The following KCNQ1OT1 variants were observed in gnomAD, a reference collection of about 807,000 sequenced individuals.
KCNQ1OT1 encodes the protein KCNQ1 opposite strand/antisense transcript 1, also known as KCNQ1 antisense RNA 2 (non-protein coding).
chr11:2,630,515 G>C (rs1292410692), exon 1 of KCNQ1OT1: 2 of 398,002 alleles, frequency 5.0e-6, no homozygotes, highest in Non-Finnish European at 8.9e-6. Flanking sequence ...ATGCCCCAAG[G>C]TACACCTTTT....
exon 1 of KCNQ1OT1, chr11:2,693,313 T>C (rs1850618961): frequency 1.5e-5 from 6 of 398,690 alleles, no homozygotes; most frequent in Non-Finnish European, 2.2e-5. Flanking sequence ...CCCACAGGCC[T>C]GGGCCCTCTC....
At chr11:2,694,123 C>T (rs1382505235) in exon 1 of KCNQ1OT1, 7 of 398,534 alleles carry the variant, frequency 1.8e-5, no homozygotes, top group Non-Finnish European at 2.7e-5. Context: ...ACTGGAAGTG[C>T]TTGCCAAACA....
chr11:2,650,149 A>T, exon 1 of KCNQ1OT1: 1 of 398,052 alleles, frequency 2.5e-6, no homozygotes, highest in Non-Finnish European at 4.4e-6. Context: ...GTTCTTTTTC[A>T]TATCTAACTC....
Position 2,648,819 on chromosome 11 carries a change from A to G in KCNQ1OT1, n.51176T>C, listed in dbSNP as rs544033655. On this transcript the variant is annotated non_coding_transcript_exon_variant, in exon 1 of 1. Transcript: ENST00000597346. ...TGAGTATGAAATGTTGCCATCCCTA[A>G]CTATTATTGTATTGGGGTCTATCTC... 102 of 398,400 alleles carry G rather than the reference A, an allele frequency of 2.6e-4. 1 individual carries two copies. Among genetic ancestry groups the G allele is most frequent in the African/African-American group, 1.8e-3 (88 of 48,700 alleles). The allele number at this position is 398,400 out of a possible 1,614,324, so 24.7% of individuals were successfully genotyped here.
chr11:2,630,385 G>A (rs1033829951), exon 1 of KCNQ1OT1: 50 of 397,376 alleles, frequency 1.3e-4, no homozygotes, highest in Middle Eastern at 6.2e-4. Flanking sequence ...TTCTTATATT[G>A]TCCTTGTCTG....
exon 1 of KCNQ1OT1, chr11:2,638,647 T>A (rs965785511): frequency 6.6e-6 from 1 of 152,204 alleles, no homozygotes; most frequent in Non-Finnish European, 1.5e-5. Flanking sequence ...CTGACAATTA[T>A]GTGTCTTGGA....
chr11:2,646,800 G>A, exon 1 of KCNQ1OT1: 1 of 398,550 alleles, frequency 2.5e-6, no homozygotes, highest in Non-Finnish European at 4.4e-6. Flanking sequence ...ACAAGCATGA[G>A]CCATCATGTC....
exon 1 of KCNQ1OT1, chr11:2,633,395 T>A: frequency 2.5e-6 from 1 of 398,592 alleles, no homozygotes; most frequent in Non-Finnish European, 4.4e-6. Flanking sequence ...ATTTGTCTAT[T>A]TTTGTTTTTG....
exon 1 of KCNQ1OT1, chr11:2,616,890 G>GT (rs1464207274): frequency 7.5e-6 from 3 of 397,998 alleles, no homozygotes; most frequent in Non-Finnish European, 1.3e-5. Context: ...TGTAGGTCTA[G>GT]TTGGTTTATG....
rs559628423 is a variant in KCNQ1OT1 at position 2,643,891 on chromosome 11, G to C, written n.56104C>G. ...CAGTATTCCTGGCTGGCAGGTTTTT[G>C]GTTTTGTTTTTTCTTTCAGCACTCT... On this transcript the variant is annotated non_coding_transcript_exon_variant, in exon 1 of 1. Coordinates refer to ENST00000597346, the Ensembl canonical transcript of KCNQ1OT1. 466 of 398,340 alleles carry C rather than the reference G, an allele frequency of 1.2e-3. No individual in the cohort carries two copies. Among genetic ancestry groups the C allele is most frequent in the Non-Finnish European group, 1.8e-3 (413 of 226,018 alleles). 24.7% of individuals were successfully genotyped at this position (398,340 alleles called of 1,614,324 possible). A position where few individuals can be genotyped will look rare whatever the true frequency, so the allele number is the denominator to read the frequency against.
exon 1 of KCNQ1OT1, chr11:2,637,941 C>CT (rs1849502867): frequency 6.6e-6 from 1 of 151,560 alleles, no homozygotes; most frequent in Admixed American, 6.6e-5. Flanking sequence ...ATGTAATGAC[C>CT]TTGTCTCTTT....
rs201239388 is a variant in KCNQ1OT1, at chr11:2,697,297, A to G, written n.2698T>C. 4.5e-4 allele frequency: 179 copies of G among 398,594 alleles called. 1 individual carries two copies. Among genetic ancestry groups the G allele is most frequent in the East Asian group, 3.8e-3 (107 of 28,062 alleles). The allele number at this position is 398,594 out of a possible 1,614,324, so 24.7% of individuals were successfully genotyped here. A position where few individuals can be genotyped will look rare whatever the true frequency, so the allele number is the denominator to read the frequency against. On this transcript the variant is annotated non_coding_transcript_exon_variant, in exon 1 of 1. Coordinates refer to ENST00000597346, the Ensembl canonical transcript of KCNQ1OT1. ...GAATACAACAAGTCGTAACACCAAA[A>G]TGTTTGAGAATCTTTATGGAGACCA...
At position 2,610,380 on chromosome 11, in the gene KCNQ1OT1, C is replaced by T. The variant is rs72847701; in HGVS notation, n.89615G>A. ...ATATAATGATATATCTTTAAAGAAG[C>T]TGAAAGGAGAGCAAGTATATATTTC... On this transcript the variant is annotated non_coding_transcript_exon_variant, in exon 1 of 1. Transcript: ENST00000597346. The T allele has an allele frequency of 0.01, 4,162 of 398,200 alleles. 37 individuals carry two copies. The highest frequency in any genetic ancestry group is 0.016 in the Non-Finnish European group (3,596 of 225,920). The allele number at this position is 398,200 out of a possible 1,614,324, so 24.7% of individuals were successfully genotyped here.
rs1589983175 is a variant in KCNQ1OT1 at position 2,616,034 on chromosome 11, A to G, written n.83961T>C. 5.5e-5 allele frequency: 22 copies of G among 397,988 alleles called. 1 individual carries two copies. The East Asian group carries it at 7.9e-4, about 14-fold the overall frequency. The allele number at this position is 397,988 out of a possible 1,614,324, so 24.7% of individuals were successfully genotyped here. A position where few individuals can be genotyped will look rare whatever the true frequency, so the allele number is the denominator to read the frequency against. ...TTTTGGTTACTGATTCAAACTTTCT[A>G]CTTGTTATGGGTCTGCTCATAATTT... On this transcript the variant is annotated non_coding_transcript_exon_variant, in exon 1 of 1. Coordinates refer to ENST00000597346, the Ensembl canonical transcript of KCNQ1OT1.
chr11:2,628,622 GCAGA>G (rs1158502641), exon 1 of KCNQ1OT1: 2 of 398,166 alleles, frequency 5.0e-6, no homozygotes, highest in Non-Finnish European at 8.9e-6. Context: ...CCTTTGTTGT[GCAGA>G]CACTTTTTTG....
rs563196530 is a variant in KCNQ1OT1 at position 2,698,408 on chromosome 11, T to C, written n.1587A>G. The C allele has an allele frequency of 1.0e-5, 4 of 396,836 alleles. No individual in the cohort carries two copies. In the East Asian group the frequency reaches 1.1e-4, roughly 11 times the overall value. 24.6% of individuals were successfully genotyped at this position (396,836 alleles called of 1,614,324 possible). A position where few individuals can be genotyped will look rare whatever the true frequency, so the allele number is the denominator to read the frequency against. On this transcript the variant is annotated non_coding_transcript_exon_variant, in exon 1 of 1. Coordinates refer to ENST00000597346, the Ensembl canonical transcript of KCNQ1OT1. The surrounding 1 kb of genome is among the most constrained non-coding windows in gnomAD (Gnocchi z 5.1). ...ACAGTGGGGTACTGGGATCTGAACA[T>C]AGTGGTGGCCCTTCAAGCCTACTAC...
rs1850354875 is a variant in KCNQ1OT1, at chr11:2,679,677, T to C, written n.20318A>G. On this transcript the variant is annotated non_coding_transcript_exon_variant, in exon 1 of 1. Coordinates refer to ENST00000597346, the Ensembl canonical transcript of KCNQ1OT1. The surrounding 1 kb of genome is among the most constrained non-coding windows in gnomAD (Gnocchi z 4.8). ...ATAAGATTATTTAGGATGCATAGGATCCCAGATTAGATTTTTTTTAAATCA... is the reference window on the plus strand; with the variant it reads ...ATAAGATTATTTAGGATGCATAGGACCCCAGATTAGATTTTTTTTAAATCA... 3 of 398,494 alleles carry C rather than the reference T, an allele frequency of 7.5e-6. No homozygotes were observed. Among genetic ancestry groups the C allele is most frequent in the Non-Finnish European group, 8.8e-6 (2 of 226,042 alleles). The allele number at this position is 398,494 out of a possible 1,614,324, so 24.7% of individuals were successfully genotyped here.
At position 2,620,452 on chromosome 11, in the gene KCNQ1OT1, G is replaced by A. The variant is rs1849151286; in HGVS notation, n.79543C>T. 2 of 301,282 alleles carry A rather than the reference G, an allele frequency of 6.6e-6. No homozygotes were observed. The highest frequency in any genetic ancestry group is 1.0e-4 in the Admixed American group (2 of 19,518). The allele number at this position is 301,282 out of a possible 1,614,324, so 18.7% of individuals were successfully genotyped here. ...GCTGGTCTCGAACTCCTGACCTCAG[G>A]TGATCCACCCGCCTTGGCCTCCCAA... On this transcript the variant is annotated non_coding_transcript_exon_variant, in exon 1 of 1. Coordinates refer to ENST00000597346, the Ensembl canonical transcript of KCNQ1OT1. This position sits in a 1 kb window ranked among gnomAD's most constrained non-coding sequence, Gnocchi z 4.5.
At position 2,654,191 on chromosome 11, in the gene KCNQ1OT1, T is replaced by A; in HGVS notation, n.45804A>T. 2.5e-6 allele frequency: 1 copy of A among 398,696 alleles called. No homozygotes were observed. Among genetic ancestry groups the A allele is most frequent in the Non-Finnish European group, 4.4e-6 (1 of 226,212 alleles). 24.7% of individuals were successfully genotyped at this position (398,696 alleles called of 1,614,324 possible). ...CTGGCACAGGCTGTGGGGCTGCGGC[T>A]CAGCAATGTCACGCAGGGCCTGGCT... is the stretch of plus-strand genomic sequence containing the variant. On this transcript the variant is annotated non_coding_transcript_exon_variant, in exon 1 of 1. Coordinates refer to ENST00000597346, the Ensembl canonical transcript of KCNQ1OT1. The surrounding 1 kb of genome is among the most constrained non-coding windows in gnomAD (Gnocchi z 6.4).
Sources: allele counts gnomAD v4.1 joint callset, GRCh38; gene constraint gnomAD v4.1.1; non-coding constraint Gnocchi (gnomAD v3.1); transcripts MANE v1.5; gene names NCBI Gene and HGNC (gene_info 2026-07-23, HGNC 2026-07-21).